The following MYOM2 variants were observed in gnomAD, a reference collection of about 807,000 sequenced individuals.
The protein encoded by MYOM2 is myomesin 2.
Under a neutral mutation model 187.6 loss-of-function variants are expected in MYOM2, and 254 were observed. The ratio of observed to expected loss-of-function variants is 1.35; its 90% confidence interval spans 1.22 to 1.50. MYOM2 has a LOEUF of 1.50. Among genes scored for constraint, MYOM2 ranks in the 40% most tolerant of loss-of-function variants. The pLI, the probability that MYOM2 is intolerant of heterozygous loss-of-function variation, is 0.00. For missense variants in MYOM2, 2,796 were observed against 1,924.0 expected (o/e 1.45, Z -8.48); for synonymous variants, 981 against 753.8 (o/e 1.30, Z -4.94).
chr8:2,060,470 T>C (rs146934651), intron 6 of MYOM2, among the ~76,000 whole-genome samples: 66 of 152,220 alleles, frequency 4.3e-4, no homozygotes, highest in African/African-American at 1.6e-3. Flanking sequence ...GTGTAGTCAG[T>C]TATATCAAAT....
intron 13 of MYOM2, among the ~76,000 whole-genome samples, chr8:2,080,932 A>G (rs1389263000): frequency 1.4e-5 from 2 of 140,628 alleles, no homozygotes; most frequent in Non-Finnish European, 3.0e-5. Flanking sequence ...CGGGAGGAAC[A>G]GGCAGCCCAG....
rs147509720 is a variant in MYOM2, at chr8:2,067,532, G to A, written c.654-1746G>A. On this transcript the variant is annotated intron_variant, in intron 6 of 36. Transcript: ENST00000262113. The stretch of plus-strand genomic sequence containing the variant: ...ATGAACGTGGAAATGCTGATGTGAA[G>A]TGACTTGAGGAGGGCTTGGTGTTGA... Among the ~76,000 whole-genome samples the A allele has an allele frequency of 8.5e-3, 1,300 of 152,310 alleles. 7 individuals carry two copies. Among genetic ancestry groups the A allele is most frequent in the Admixed American group, 0.014 (212 of 15,300 alleles).
intron 18 of MYOM2, chr8:2,097,235 CAT>C: frequency 2.4e-6 from 1 of 418,908 alleles, no homozygotes; most frequent in Non-Finnish European, 3.2e-6. Flanking sequence ...ATTTTATACA[CAT>C]ATGATGATAT....
chr8:2,115,329 A>G (rs1797204742), intron 25 of MYOM2, among the ~76,000 whole-genome samples: 1 of 152,254 alleles, frequency 6.6e-6, no homozygotes, highest in South Asian at 2.1e-4. Flanking sequence ...TGTGTTAGAG[A>G]AACACTTGTT....
chr8:2,056,915 G>A (rs1262848364), intron 3 of MYOM2, among the ~76,000 whole-genome samples: 2 of 152,182 alleles, frequency 1.3e-5, no homozygotes, highest in African/African-American at 4.8e-5. Flanking sequence ...GTGAGTTTCT[G>A]TGCACACGAA....
In MYOM2 at chr8:2,143,383, G is replaced by C. The variant is rs368918456; in HGVS notation, c.4025-18G>C. The C allele has an allele frequency of 2.0e-4, 327 of 1,614,088 alleles. No homozygotes were observed. The highest frequency in any genetic ancestry group is 2.6e-4 in the Non-Finnish European group (307 of 1,180,058). ...GTCCCGCAGATGTTTTCCTAACCAA[G>C]GTGCTTTCCCGTTGCAGATCGTGGC... is the stretch of plus-strand genomic sequence containing the variant. On this transcript the variant is annotated intron_variant, in intron 35 of 36. Coordinates refer to ENST00000262113, the MANE Select transcript of MYOM2 (RefSeq NM_003970.4).
rs1819259695 is a variant in MYOM2 at position 2,072,378 on chromosome 8, T to G, written c.827T>G (p.Phe276Cys). 4 of 1,614,152 alleles carry G rather than the reference T, an allele frequency of 2.5e-6. No individual in the cohort carries two copies. Among genetic ancestry groups the G allele is most frequent in the Non-Finnish European group, 3.4e-6 (4 of 1,180,020 alleles). The change falls in exon 9 of 37, where the codon TTC becomes TGC. Residue 276 changes from phenylalanine to cysteine, a missense_variant. Coordinates refer to ENST00000262113, the MANE Select transcript of MYOM2 (RefSeq NM_003970.4). ...PLSSMIPYTH[F>C]DVQFLEKFGV... is the part of the protein sequence containing the mutation. ...TCATCGATGATTCCGTACACGCACT[T>G]CGACGTCCAGTTTTTGGAGAAGTTT... is the stretch of plus-strand genomic sequence containing the variant.
intron 28 of MYOM2, 86 bp from the exon 29 acceptor site, chr8:2,123,166 C>T (rs1797515377): frequency 1.2e-6 from 1 of 839,088 alleles, no homozygotes; most frequent in Non-Finnish European, 1.8e-6. Flanking sequence ...GAGGGGGGGG[C>T]TCTGTGATTT....
At chr8:2,057,156 A>G (rs1055759463) in intron 3 of MYOM2, among the ~76,000 whole-genome samples, 192 bp from the exon 4 acceptor site, 7 of 152,224 alleles carry the variant, frequency 4.6e-5, no homozygotes, top group African/African-American at 1.7e-4. Flanking sequence ...TTCATCATGC[A>G]TGGCATTCAC....
intron 6 of MYOM2, among the ~76,000 whole-genome samples, chr8:2,059,875 G>A (rs527392995): frequency 1.5e-4 from 22 of 151,666 alleles, no homozygotes; most frequent in Admixed American, 1.4e-3. Flanking sequence ...CCCCAGTAGT[G>A]GGGATTACAG....
Position 2,144,951 on chromosome 8 carries a change from C to T in MYOM2, c.4368C>T (p.Ile1456=). 3 of 1,614,190 alleles carry T rather than the reference C, an allele frequency of 1.9e-6. No individual in the cohort carries two copies. The South Asian group carries it at 3.3e-5, about 18-fold the overall frequency. ...APPQQAKPKL[I]PASASAAGQ ...CCCAGCAAGCCAAGCCCAAGCTCAT[C>T]CCCGCGTCTGCCTCAGCGGCAGGCC... The change falls in exon 37 of 37, where the codon ATC becomes ATT. Residue 1456 remains isoleucine, a synonymous_variant. Coordinates refer to ENST00000262113, the MANE Select transcript of MYOM2 (RefSeq NM_003970.4).
intron 25 of MYOM2, among the ~76,000 whole-genome samples, chr8:2,113,367 A>G (rs950733738): frequency 5.3e-5 from 8 of 152,222 alleles, no homozygotes; most frequent in African/African-American, 1.9e-4. Context: ...ACCTTTCAGT[A>G]TCTGTTAGCA....
intron 17 of MYOM2, among the ~76,000 whole-genome samples, chr8:2,095,300 T>G (rs998041818): frequency 4.6e-5 from 7 of 151,646 alleles, no homozygotes; most frequent in African/African-American, 1.5e-4. Flanking sequence ...TTTCTTTTTT[T>G]TTTTTTTTCG....
rs777574800 is a variant in MYOM2 at position 2,076,182 on chromosome 8, G to A, written c.1162G>A (p.Asp388Asn). 1.9e-6 allele frequency: 3 copies of A among 1,613,336 alleles called. No individual in the cohort carries two copies. The highest frequency in any genetic ancestry group is 2.5e-6 in the Non-Finnish European group (3 of 1,179,898). The change falls in exon 11 of 37, where the codon GAC (aspartate) becomes AAC (asparagine). Residue 388 changes from aspartate (D) to asparagine (N), a missense_variant. Transcript: ENST00000262113. ...CACAGGGGCCCCCGGTGCACCCATGGACTTGCAGTGCCACGACGCCAACCG... is the reference window on the plus strand; with the variant it reads ...CACAGGGGCCCCCGGTGCACCCATGAACTTGCAGTGCCACGACGCCAACCG... ...LVTGAPGAPMDLQCHDANRDY... is the reference protein window; with the variant it reads ...LVTGAPGAPMNLQCHDANRDY...
rs1335016732 is a variant in MYOM2 at position 2,104,654 on chromosome 8, G to A, written c.2735-1588G>A. Among the ~76,000 whole-genome samples the A allele has an allele frequency of 5.3e-5, 8 of 152,160 alleles. No individual in the cohort carries two copies. The South Asian group carries it at 8.3e-4, about 16-fold the overall frequency. On this transcript the variant is annotated intron_variant, in intron 21 of 36. Transcript: ENST00000262113. ...TTATTTGGCTCATGATTCTGGAGGCGGGAAGTCTAAGAAGCACAGTGCCGG... is the reference window on the plus strand; with the variant it reads ...TTATTTGGCTCATGATTCTGGAGGCAGGAAGTCTAAGAAGCACAGTGCCGG...
intron 31 of MYOM2, among the ~76,000 whole-genome samples, chr8:2,126,406 C>T (rs1357472633): frequency 1.3e-5 from 2 of 150,008 alleles, no homozygotes; most frequent in Admixed American, 6.7e-5. Flanking sequence ...GTCACACACA[C>T]ACGATTTCCC....
Position 2,057,796 on chromosome 8 carries a change from C to A in MYOM2, c.560+16C>A. On this transcript the variant is annotated intron_variant, in intron 5 of 36. Transcript: ENST00000262113. ...TGGTGCAGTGGTGAGGGGCTCTGTTCCCAGGGGGTGAAGAAGTCCATTCTG... is the reference window on the plus strand; with the variant it reads ...TGGTGCAGTGGTGAGGGGCTCTGTTACCAGGGGGTGAAGAAGTCCATTCTG... 6.2e-7 allele frequency: 1 copy of A among 1,609,552 alleles called. No homozygotes were observed. Among genetic ancestry groups the A allele is most frequent in the Non-Finnish European group, 8.5e-7 (1 of 1,176,782 alleles).
chr8:2,064,451 G>T (rs1048559592), intron 6 of MYOM2, among the ~76,000 whole-genome samples: 3 of 152,214 alleles, frequency 2.0e-5, no homozygotes, highest in Admixed American at 6.5e-5. Context: ...CACCGCCGTC[G>T]TCAGTGGGTC....
At chr8:2,142,462 T>C (rs1233617494) in intron 35 of MYOM2, 65 bp downstream of exon 35, 1 of 1,546,186 alleles carries the variant, frequency 6.5e-7, no homozygotes, top group Non-Finnish European at 8.9e-7. Flanking sequence ...AGTGTCCATA[T>C]TTTGGAGGAC....
Sources: allele counts gnomAD v4.1 joint callset (sites outside exome capture counted in the v4.1 genomes callset), GRCh38; gene constraint gnomAD v4.1.1; transcripts MANE v1.5; gene names NCBI Gene and HGNC (gene_info 2026-07-23, HGNC 2026-07-21).